CPEB1: variants seen among roughly 807,000 people sequenced by gnomAD.
CPEB1 encodes cytoplasmic polyadenylation element-binding protein 1.
A neutral mutation model predicts 65.8 loss-of-function variants in CPEB1; 7 were observed. That is an observed-to-expected ratio of 0.11 (90% CI 0.06 to 0.20). The LOEUF (loss-of-function observed/expected upper bound fraction) is 0.20. Ranked by LOEUF, CPEB1 falls within the 10% of genes least tolerant of loss-of-function variation. The probability of loss-of-function intolerance (pLI) is 1.00; values close to 1 mark genes in which losing one functional copy is unlikely to be tolerated. For synonymous variants in CPEB1, 262 were observed against 260.0 expected (o/e 1.01, Z -0.08); for missense variants, 551 against 712.2 (o/e 0.77, Z 2.58).
At chr15:82,623,572 A>G (rs1596122626) in intron 3 of CPEB1, among the ~76,000 whole-genome samples, 1 of 152,256 alleles carries the variant, frequency 6.6e-6, no homozygotes, top group East Asian at 1.9e-4. Flanking sequence ...GTTACTCAGG[A>G]GACTGAGGCA....
intron 12 of CPEB1, 45 bp from the exon 13 acceptor site, chr15:82,544,747 A>C: frequency 7.1e-7 from 1 of 1,409,176 alleles, no homozygotes. Flanking sequence ...CTGTGTCAGC[A>C]CCAGACACAG....
intron 4 of CPEB1, among the ~76,000 whole-genome samples, chr15:82,567,588 A>C (rs1015113963): frequency 1.3e-5 from 2 of 151,982 alleles, no homozygotes; most frequent in Admixed American, 6.6e-5. Flanking sequence ...GTGAGCCAAG[A>C]TCGCACCACT....
intron 3 of CPEB1, among the ~76,000 whole-genome samples, chr15:82,598,204 G>A (rs894060201): frequency 1.3e-4 from 20 of 152,214 alleles, no homozygotes; most frequent in Admixed American, 2.6e-4. Context: ...GGCTAGGTGC[G>A]GTGGCTCACG....
chr15:82,636,760 G>A (rs2046690725), intron 1 of CPEB1, among the ~76,000 whole-genome samples: 1 of 152,186 alleles, frequency 6.6e-6, no homozygotes, highest in South Asian at 2.1e-4. Flanking sequence ...ACTCAATACA[G>A]ATACCACATG....
chr15:82,640,635 A>G (rs1048914948), intron 1 of CPEB1: 2 of 151,986 alleles, frequency 1.3e-5, no homozygotes, highest in African/African-American at 4.8e-5. Context: ...TTCTGTTTTT[A>G]TATCTGCTGG....
chr15:82,625,767 T>C (rs938928660), intron 3 of CPEB1, among the ~76,000 whole-genome samples: 1 of 152,190 alleles, frequency 6.6e-6, no homozygotes, highest in Non-Finnish European at 1.5e-5. Context: ...ATCCCCATTG[T>C]GGCTAATTGT....
rs1018098876 is a variant in CPEB1 at position 82,611,628 on chromosome 15, G to A, written c.271+15565C>T. 6.6e-5 allele frequency among the ~76,000 whole-genome samples: 10 copies of A among 151,648 alleles called. No individual in the cohort carries two copies. In the South Asian group the frequency reaches 1.9e-3, roughly 28 times the overall value. Reference sequence around the variant, plus strand: ...AAAATAAAAATTAGCCAGCAGCCACGGTGGCACACACCTGCAGTCCCTGAT... The same window carrying A: ...AAAATAAAAATTAGCCAGCAGCCACAGTGGCACACACCTGCAGTCCCTGAT... On this transcript the variant is annotated intron_variant, in intron 3 of 12. Transcript: ENST00000684509.
chr15:82,635,400 C>T (rs1003862545), intron 1 of CPEB1, among the ~76,000 whole-genome samples: 1 of 152,166 alleles, frequency 6.6e-6, no homozygotes, highest in East Asian at 1.9e-4. Flanking sequence ...TCACTCAAAG[C>T]CAGATTTTGG....
chr15:82,614,143 T>TC (rs1218391135), intron 3 of CPEB1, among the ~76,000 whole-genome samples: 1 of 152,172 alleles, frequency 6.6e-6, no homozygotes, highest in African/African-American at 2.4e-5. Flanking sequence ...AGCGTCCTCT[T>TC]CGTCACTCCT....
In CPEB1 at chr15:82,543,315, C is replaced by G. The variant is rs2034587340; in HGVS notation, c.*1277G>C. On this transcript the variant is annotated 3_prime_UTR_variant, in exon 13 of 13. Coordinates refer to ENST00000684509, the MANE Select transcript of CPEB1 (RefSeq NM_001365242.1). ...ACTACAATGAGGTAGAGACTTCACA[C>G]ACAGCTTCACAAAACCCACAGAGTA... 1 of 152,550 alleles carries G rather than the reference C, an allele frequency of 6.6e-6. No homozygotes were observed. The highest frequency in any genetic ancestry group is 2.4e-5 in the African/African-American group (1 of 41,408). 9.4% of individuals were successfully genotyped at this position (152,550 alleles called of 1,614,324 possible).
rs1240284769 is a variant in CPEB1, at chr15:82,566,897, T to C, written c.460+4447A>G. On this transcript the variant is annotated intron_variant, in intron 4 of 12. Coordinates refer to ENST00000684509, the MANE Select transcript of CPEB1 (RefSeq NM_001365242.1). ...CCCCTAGAAGCTACAGGGCCCAAGATACTGATCTTTGAAGAATCTGTCCAT... is the reference window on the plus strand; with the variant it reads ...CCCCTAGAAGCTACAGGGCCCAAGACACTGATCTTTGAAGAATCTGTCCAT... Among the ~76,000 whole-genome samples the C allele has an allele frequency of 3.3e-5, 5 of 152,146 alleles. No individual in the cohort carries two copies. The East Asian group carries it at 7.7e-4, about 24-fold the overall frequency.
chr15:82,607,161 T>C (rs199717363), intron 3 of CPEB1, among the ~76,000 whole-genome samples: 1 of 102,210 alleles, frequency 9.8e-6, no homozygotes, highest in African/African-American at 4.5e-5. Flanking sequence ...ATGGCAGGTG[T>C]ATATCTTATC....
At chr15:82,600,861 A>T (rs943393608) in intron 3 of CPEB1, among the ~76,000 whole-genome samples, 7 of 148,568 alleles carry the variant, frequency 4.7e-5, no homozygotes, top group Non-Finnish European at 8.9e-5. Context: ...ATCCTCTCTC[A>T]TCATAAACTA....
chr15:82,571,752 T>G, intron 3 of CPEB1: 4 of 1,367,922 alleles, frequency 2.9e-6, no homozygotes, highest in Non-Finnish European at 3.8e-6. Flanking sequence ...CCCTATCCCG[T>G]CTGCATTACA....
At chr15:82,620,753 T>C (rs1322408202) in intron 3 of CPEB1, among the ~76,000 whole-genome samples, 2 of 152,170 alleles carry the variant, frequency 1.3e-5, no homozygotes, top group Non-Finnish European at 2.9e-5. Flanking sequence ...CAGTGAGCTA[T>C]GATCATACAA....
intron 1 of CPEB1, chr15:82,629,695 C>T (rs965137254): frequency 1.9e-5 from 19 of 985,208 alleles, no homozygotes; most frequent in East Asian, 1.1e-4. Flanking sequence ...AATTATCTTG[C>T]GGAAAACAAA....
At chr15:82,565,828 A>C (rs1428283111) in intron 4 of CPEB1, among the ~76,000 whole-genome samples, 1 of 152,196 alleles carries the variant, frequency 6.6e-6, no homozygotes, top group Non-Finnish European at 1.5e-5. Context: ...AGTGTCCAGC[A>C]AATTCCTATC....
At chr15:82,599,951 G>C (rs558981221) in intron 3 of CPEB1, among the ~76,000 whole-genome samples, 3 of 152,062 alleles carry the variant, frequency 2.0e-5, no homozygotes, top group African/African-American at 7.2e-5. Context: ...ACAAAAGATA[G>C]AATGAGAAAG....
chr15:82,564,477 CAG>C (rs2038793108), intron 4 of CPEB1, among the ~76,000 whole-genome samples: 1 of 151,872 alleles, frequency 6.6e-6, no homozygotes, highest in South Asian at 2.1e-4. Context: ...GTGTTTTTAG[CAG>C]AGATGGGGTT....
Sources: gnomAD v4.1 joint callset for allele counts (sites outside exome capture counted in the v4.1 genomes callset) on GRCh38, gnomAD v4.1.1 for gene constraint, MANE v1.5 for transcripts, NCBI Gene and HGNC (gene_info 2026-07-23, HGNC 2026-07-21) for gene names.